The following ST7 variants were observed in gnomAD, a reference collection of about 807,000 sequenced individuals.
ST7 encodes the protein suppression of tumorigenicity 7, also known as suppressor of tumorigenicity 7 protein.
In ST7, 28 loss-of-function variants were observed where a neutral mutation model predicts 78.7. The observed-to-expected ratio is 0.36, with a 90% CI of 0.26 to 0.49. The LOEUF is 0.49. Among genes scored for constraint, ST7 ranks in the 20% least tolerant of loss-of-function variants. The probability of loss-of-function intolerance (pLI) is 0.99; values close to 1 mark genes in which losing one functional copy is unlikely to be tolerated. For synonymous variants in ST7, 247 were observed against 249.6 expected, an observed-to-expected ratio of 0.99 and a Z score of 0.10; for missense variants, 418 against 696.0, an observed-to-expected ratio of 0.60 and a Z score of 4.49.
chr7:117,055,051 A>C (rs1797993524), intron 1 of ST7, among the ~76,000 whole-genome samples: 1 of 152,202 alleles, frequency 6.6e-6, no homozygotes, highest in Non-Finnish European at 1.5e-5. Flanking sequence ...AATTATGTAT[A>C]ATAGTGATTA....
intron 13 of ST7, among the ~76,000 whole-genome samples, chr7:117,210,497 C>A (rs919630642): frequency 6.6e-6 from 1 of 152,126 alleles, no homozygotes; most frequent in South Asian, 2.1e-4. Flanking sequence ...GGCTTGTTCT[C>A]CATAGATAGT....
chr7:116,980,482 G>A (rs1383200266), intron 1 of ST7, among the ~76,000 whole-genome samples: 2 of 152,050 alleles, frequency 1.3e-5, no homozygotes, highest in Non-Finnish European at 2.9e-5. Flanking sequence ...TTTACTCGAT[G>A]CTTGATGGTG....
chr7:117,187,287 A>G lies in ST7; in HGVS notation c.1079-2034A>G, dbSNP rs540736484. ...AGATAAGTAGAATGACATGCCACTAATGGGGAATGGGGTATTTTCATAGAG... is the reference window on the plus strand; with the variant it reads ...AGATAAGTAGAATGACATGCCACTAGTGGGGAATGGGGTATTTTCATAGAG... On this transcript the variant is annotated intron_variant, in intron 10 of 15. Coordinates refer to ENST00000323984, the MANE Select transcript of ST7 (RefSeq NM_001369598.1). Among the ~76,000 whole-genome samples, 6 of 152,380 alleles carry G rather than the reference A, an allele frequency of 3.9e-5. No individual in the cohort carries two copies. The East Asian group carries it at 1.2e-3, about 29-fold the overall frequency.
intron 1 of ST7, among the ~76,000 whole-genome samples, chr7:117,033,651 T>C (rs1168608362): frequency 1.3e-5 from 2 of 152,198 alleles, no homozygotes; most frequent in Admixed American, 6.5e-5. Context: ...CTCGAACCTT[T>C]GACCTCAGTT....
intron 9 of ST7, among the ~76,000 whole-genome samples, chr7:117,160,655 A>G (rs200504379): frequency 4.8e-4 from 60 of 124,926 alleles, no homozygotes; most frequent in African/African-American, 6.0e-4. Context: ...GTGTGTGTGT[A>G]TATATATATA....
intron 2 of ST7, among the ~76,000 whole-genome samples, chr7:117,107,813 A>G (rs1347021265): frequency 6.6e-6 from 1 of 151,622 alleles, no homozygotes; most frequent in African/African-American, 2.4e-5. Context: ...GGGTTTCACC[A>G]TGTTGGCCAG....
At chr7:117,137,483 T>C (rs1804889690) in intron 8 of ST7, 1 of 152,136 alleles carries the variant, frequency 6.6e-6, no homozygotes, top group African/African-American at 2.4e-5. Context: ...TTAATTTTCT[T>C]TCTTTTCTTC....
intron 1 of ST7, among the ~76,000 whole-genome samples, chr7:117,038,987 TA>T (rs1311897978): frequency 3.9e-5 from 6 of 152,312 alleles, no homozygotes; most frequent in African/African-American, 9.6e-5. Flanking sequence ...TAATATTTAA[TA>T]AATACTTTTC....
rs555922111 is a variant in ST7 at position 117,205,518 on chromosome 7, C to T, written c.1255-4269C>T. Among the ~76,000 whole-genome samples the T allele has an allele frequency of 1.3e-4, 20 of 152,218 alleles. 1 individual carries two copies. In the South Asian group the frequency reaches 3.5e-3, roughly 27 times the overall value. ...GTATTAACATTTATGTGAATGATAA[C>T]TATGGGATCATTTTCATTCAAATTA... On this transcript the variant is annotated intron_variant, in intron 12 of 15. Coordinates refer to ENST00000323984, the MANE Select transcript of ST7 (RefSeq NM_001369598.1).
chr7:117,129,965 T>G (rs1804204633), intron 4 of ST7, 118 bp downstream of exon 4: 1 of 665,234 alleles, frequency 1.5e-6, no homozygotes, highest in African/African-American at 1.9e-5. Flanking sequence ...GTGCGTCCAT[T>G]TTTTAATACT....
At chr7:117,208,725 G>A (rs1227154590) in intron 12 of ST7, among the ~76,000 whole-genome samples, 1 of 152,014 alleles carries the variant, frequency 6.6e-6, no homozygotes, top group African/African-American at 2.4e-5. Flanking sequence ...AAACTTCCAC[G>A]GACAGAAAAA....
At chr7:116,977,794 C>T (rs1316777697) in intron 1 of ST7, among the ~76,000 whole-genome samples, 11 of 152,196 alleles carry the variant, frequency 7.2e-5, no homozygotes, top group African/African-American at 1.7e-4. Flanking sequence ...CCTCATGATT[C>T]GTCCGGCCTT....
chr7:117,015,232 T>C (rs1795550691), intron 1 of ST7, among the ~76,000 whole-genome samples: 1 of 152,224 alleles, frequency 6.6e-6, no homozygotes, highest in South Asian at 2.1e-4. Flanking sequence ...TGTTGTTTCT[T>C]CCATTTCAGT....
intron 13 of ST7, among the ~76,000 whole-genome samples, chr7:117,215,399 G>C (rs1792615930): frequency 6.6e-6 from 1 of 152,130 alleles, no homozygotes; most frequent in Non-Finnish European, 1.5e-5. Flanking sequence ...TTATAAACTA[G>C]AGTATGACCT....
At chr7:117,211,625 G>C (rs1214659141) in intron 13 of ST7, among the ~76,000 whole-genome samples, 1 of 151,778 alleles carries the variant, frequency 6.6e-6, no homozygotes, top group East Asian at 1.9e-4. Flanking sequence ...CCCATAGAAA[G>C]GACCCAAAAA....
rs920761726 is a variant in ST7 at position 116,971,683 on chromosome 7, G to GC, written c.151+17992_151+17993insC. The stretch of plus-strand genomic sequence containing the variant: ...ACAGAGCAATGAGGTTTCCAATAGT[G>GC]GAGTCTTTCCCTGGGCTCTGTTTGG... On this transcript the variant is annotated intron_variant, in intron 1 of 15. Transcript: ENST00000323984. 5.3e-5 allele frequency among the ~76,000 whole-genome samples: 8 copies of GC among 152,168 alleles called. No homozygotes were observed. In the South Asian group the frequency reaches 6.2e-4, roughly 12 times the overall value.
intron 1 of ST7, among the ~76,000 whole-genome samples, chr7:117,010,978 C>T (rs531126616): frequency 1.3e-5 from 2 of 152,314 alleles, no homozygotes; most frequent in South Asian, 4.1e-4. Flanking sequence ...AAGCTTCACA[C>T]TCTGTGTCCA....
intron 1 of ST7, among the ~76,000 whole-genome samples, chr7:117,083,402 C>T (rs1799926641): frequency 6.6e-6 from 1 of 152,050 alleles, no homozygotes; most frequent in East Asian, 1.9e-4. Flanking sequence ...ATTACAGGAG[C>T]CTGCCACCAT....
At position 117,226,608 on chromosome 7, in the gene ST7, A is replaced by T. The variant is rs189983430; in HGVS notation, c.1639-3154A>T. Among the ~76,000 whole-genome samples, 987 of 152,334 alleles carry T rather than the reference A, an allele frequency of 6.5e-3. 5 individuals carry two copies. Among genetic ancestry groups the T allele is most frequent in the Non-Finnish European group, 0.011 (724 of 68,022 alleles). On this transcript the variant is annotated intron_variant, in intron 15 of 15. Transcript: ENST00000323984. ...AAGTCTGCACCTCCAGACATTTTTT[A>T]AAAAATATCTCCTGATGGAGCTTTT... is the stretch of plus-strand genomic sequence containing the variant.
Sources: gnomAD v4.1 joint callset for allele counts (sites outside exome capture counted in the v4.1 genomes callset) on GRCh38, gnomAD v4.1.1 for gene constraint, MANE v1.5 for transcripts, NCBI Gene and HGNC (gene_info 2026-07-23, HGNC 2026-07-21) for gene names.